The following INTS6 variants were observed in gnomAD, a reference collection of about 807,000 sequenced individuals.
INTS6 encodes the protein integrator complex subunit 6.
In INTS6, 16 loss-of-function variants were observed where a neutral mutation model predicts 104.9. The ratio of observed to expected loss-of-function variants is 0.15; its 90% confidence interval spans 0.10 to 0.23. INTS6 has a LOEUF of 0.23. Ranked by LOEUF, INTS6 falls within the 10% of genes least tolerant of loss-of-function variation. INTS6 has a pLI of 1.00. For synonymous variants in INTS6, 324 were observed against 358.7 expected (o/e 0.90, Z 1.09); for missense variants, 584 against 1,062.8 (o/e 0.55, Z 6.26).
At chr13:51,450,607 G>A (rs924486289) in intron 3 of INTS6, 1 of 986,060 alleles carries the variant, frequency 1.0e-6, no homozygotes, top group Non-Finnish European at 1.2e-6. Context: ...ATTAAACCCT[G>A]ATGCAACAAA....
At chr13:51,391,360 C>T (rs1455203267) in intron 5 of INTS6, among the ~76,000 whole-genome samples, 4 of 151,518 alleles carry the variant, frequency 2.6e-5, no homozygotes, top group African/African-American at 7.3e-5. Context: ...AATCTTAACA[C>T]GAAATAAAAT....
At chr13:51,357,016 T>C (rs1955491126), downstream of INTS6, among the ~76,000 whole-genome samples, 2 of 152,164 alleles carry the variant, frequency 1.3e-5, 1 homozygote, top group Admixed American at 1.3e-4. Flanking sequence ...CCTGCTTTTG[T>C]GAAGTTTAAT....
chr13:51,426,388 C>T (rs1956986442), intron 4 of INTS6, among the ~76,000 whole-genome samples: 1 of 152,090 alleles, frequency 6.6e-6, no homozygotes, highest in South Asian at 2.1e-4. Context: ...CAACTTTACA[C>T]TGGGCTTCTT....
At chr13:51,353,007 T>C (rs530122263), downstream of INTS6, among the ~76,000 whole-genome samples, 1 of 152,342 alleles carries the variant, frequency 6.6e-6, no homozygotes, top group Admixed American at 6.5e-5. Context: ...TAGTATTTTG[T>C]TGAAGATTTT....
intron 7 of INTS6, among the ~76,000 whole-genome samples, chr13:51,386,522 A>G (rs1472797280): frequency 1.3e-5 from 2 of 152,276 alleles, no homozygotes; most frequent in African/African-American, 4.8e-5. Flanking sequence ...TTCATGCACT[A>G]CTTTATTAAA....
downstream of INTS6, among the ~76,000 whole-genome samples, chr13:51,352,498 A>G (rs1214336938): frequency 1.3e-5 from 2 of 151,724 alleles, no homozygotes; most frequent in African/African-American, 4.8e-5. Flanking sequence ...TGGATTCTTT[A>G]GGGTTTTCTA....
intron 13 of INTS6, among the ~76,000 whole-genome samples, chr13:51,375,774 C>T (rs900288697): frequency 3.0e-4 from 45 of 150,416 alleles, no homozygotes; most frequent in African/African-American, 8.7e-4. Flanking sequence ...TGTGCGCGCG[C>T]GTGCGCGCAT....
intron 17 of INTS6, 112 bp from the exon 18 acceptor site, chr13:51,365,957 T>C: frequency 1.8e-6 from 1 of 564,876 alleles, no homozygotes; most frequent in East Asian, 3.0e-5. Flanking sequence ...CAAAGTGAAA[T>C]GAAAATAGAA....
downstream of INTS6, among the ~76,000 whole-genome samples, chr13:51,357,976 T>C (rs952748088): frequency 6.6e-6 from 1 of 152,122 alleles, no homozygotes; most frequent in African/African-American, 2.4e-5. Flanking sequence ...TTTGGTTGAG[T>C]ATGGAAGTTA....
chr13:51,338,157 G>C, the INTS6 span, among the ~76,000 whole-genome samples: 1 of 152,058 alleles, frequency 6.6e-6, no homozygotes. Context: ...TTTAATTTGG[G>C]AAATCTTTTT....
At position 51,383,336 on chromosome 13, in the gene INTS6, G is replaced by C. The variant is rs762133082; in HGVS notation, c.1173C>G (p.Pro391=). 6.2e-7 allele frequency: 1 copy of C among 1,609,636 alleles called. No individual in the cohort carries two copies. Among genetic ancestry groups the C allele is most frequent in the Non-Finnish European group, 8.5e-7 (1 of 1,177,782 alleles). ...VMPYNYPVLL[P]LLDDLFKVHK... ...GTGACAAGAATGACTTACCTAAGAGGGGAAGAAGGACTGGATAATTGTAAG... is the reference window on the plus strand; with the variant it reads ...GTGACAAGAATGACTTACCTAAGAGCGGAAGAAGGACTGGATAATTGTAAG... The change falls in exon 9 of 18, where the codon CCC becomes CCG. Residue 391 remains proline, a synonymous_variant. Coordinates refer to ENST00000311234, the MANE Select transcript of INTS6 (RefSeq NM_012141.3).
At chr13:51,429,787 T>A (rs7321240) in intron 4 of INTS6, among the ~76,000 whole-genome samples, 23,253 of 71,450 alleles carry the variant, frequency 0.33, 3,914 homozygotes, top group African/African-American at 0.41. Context: ...AAAAAAAAAA[T>A]ATATATATAT....
intron 4 of INTS6, among the ~76,000 whole-genome samples, chr13:51,416,668 T>C (rs904215967): frequency 6.6e-6 from 1 of 152,262 alleles, no homozygotes; most frequent in African/African-American, 2.4e-5. Context: ...CTATTATGAA[T>C]GACATTAATA....
chr13:51,452,368 GCGGGCCGC>G lies in INTS6; in HGVS notation c.111+39_111+46del. The G allele has an allele frequency of 2.7e-6, 4 of 1,471,800 alleles. No homozygotes were observed. Among genetic ancestry groups the G allele is most frequent in the Non-Finnish European group, 3.6e-6 (4 of 1,107,096 alleles). 91.2% of individuals were successfully genotyped at this position (1,471,800 alleles called of 1,614,324 possible). Reference sequence around the variant, plus strand: ...GCCGCCCTCCCCCACCCTGCCGCCCGCGGGCCGCCGGGCCGGGGTCGCCGCCCGGGCTC... The same window carrying G: ...GCCGCCCTCCCCCACCCTGCCGCCCGCGGGCCGGGGTCGCCGCCCGGGCTC... On this transcript the variant is annotated intron_variant, in intron 1 of 17. Coordinates refer to ENST00000311234, the MANE Select transcript of INTS6 (RefSeq NM_012141.3). This position sits in a 1 kb window ranked among gnomAD's most constrained non-coding sequence, Gnocchi z 4.2.
chr13:51,422,822 T>C (rs986744300), intron 4 of INTS6, among the ~76,000 whole-genome samples: 1 of 152,140 alleles, frequency 6.6e-6, no homozygotes, highest in Non-Finnish European at 1.5e-5. Context: ...ATACTTTCCA[T>C]ACTCCAGGTG....
intron 15 of INTS6, among the ~76,000 whole-genome samples, chr13:51,373,565 C>T (rs1955857207): frequency 6.6e-6 from 1 of 152,204 alleles, no homozygotes; most frequent in African/African-American, 2.4e-5. Context: ...AACACCCTTG[C>T]TATACTGGAA....
chr13:51,353,973 G>A (rs902706579), downstream of INTS6: 1 of 152,048 alleles, frequency 6.6e-6, no homozygotes, highest in African/African-American at 2.4e-5. Flanking sequence ...ATATAAAATT[G>A]GTGTAGTGAT....
At chr13:51,391,214 T>G (rs1415013889) in intron 5 of INTS6, among the ~76,000 whole-genome samples, 2 of 152,128 alleles carry the variant, frequency 1.3e-5, no homozygotes, top group Admixed American at 1.3e-4. Context: ...TACATAAAGG[T>G]TGAGTATCTT....
chr13:51,392,963 T>C (rs763755490), intron 5 of INTS6, among the ~76,000 whole-genome samples: 7 of 152,076 alleles, frequency 4.6e-5, no homozygotes, highest in Middle Eastern at 3.2e-3. Context: ...GAAAGAAATA[T>C]ATTATTATTT....
Sources: allele counts gnomAD v4.1 joint callset (sites outside exome capture counted in the v4.1 genomes callset), GRCh38; gene constraint gnomAD v4.1.1; non-coding constraint Gnocchi (gnomAD v3.1); transcripts MANE v1.5; gene names NCBI Gene and HGNC (gene_info 2026-07-23, HGNC 2026-07-21).